Variants in TRIO observed in about 807,000 individuals in gnomAD.
TRIO encodes triple functional domain protein.
TRIO carries 58 observed loss-of-function variants against 351.9 expected under a neutral mutation model. That is an observed-to-expected ratio of 0.16 (90% CI 0.13 to 0.21). The LOEUF (loss-of-function observed/expected upper bound fraction) is 0.21. TRIO is among the 10% of genes least tolerant of loss of function. TRIO has a pLI of 1.00. For synonymous variants in TRIO, 1,758 were observed against 1,595.7 expected, an observed-to-expected ratio of 1.10 and a Z score of -2.42; for missense variants, 3,201 against 4,027.8, an observed-to-expected ratio of 0.79 and a Z score of 5.56.
intron 11 of TRIO, among the ~76,000 whole-genome samples, chr5:14,338,861 G>A (rs1485984336): frequency 6.6e-6 from 1 of 152,176 alleles, no homozygotes; most frequent in Non-Finnish European, 1.5e-5. Flanking sequence ...GAGCCAGGTG[G>A]TTGGAGCTGG....
chr5:14,145,889 G>C (rs1027848657), intron 1 of TRIO, among the ~76,000 whole-genome samples: 3 of 152,168 alleles, frequency 2.0e-5, no homozygotes, highest in Non-Finnish European at 4.4e-5. Context: ...CAGGGCTCCT[G>C]TTCATGTTCC....
Position 14,461,326 on chromosome 5 carries a change from G to A in TRIO, c.5496+15G>A, listed in dbSNP as rs1246250574. 1.3e-6 allele frequency: 2 copies of A among 1,531,176 alleles called. No individual in the cohort carries two copies. Among genetic ancestry groups the A allele is most frequent in the Non-Finnish European group, 1.8e-6 (2 of 1,140,752 alleles). 94.8% of individuals were successfully genotyped at this position (1,531,176 alleles called of 1,614,324 possible). On this transcript the variant is annotated intron_variant, in intron 35 of 56. Transcript: ENST00000344204. The stretch of plus-strand genomic sequence containing the variant: ...CGGTCGAGGAGGTGAGGCTCTGCCC[G>A]CTGGTTGGGGCCGGCGTGGCGGGGC...
At chr5:14,222,141 T>TC (rs1341771186) in intron 1 of TRIO, among the ~76,000 whole-genome samples, 1 of 113,108 alleles carries the variant, frequency 8.8e-6, no homozygotes, top group Non-Finnish European at 2.1e-5. Context: ...CTTTTTCTTT[T>TC]CTTTTTTTTT....
At chr5:14,383,317 C>T (rs1746275155) in intron 21 of TRIO, among the ~76,000 whole-genome samples, 1 of 152,188 alleles carries the variant, frequency 6.6e-6, no homozygotes, top group African/African-American at 2.4e-5. Flanking sequence ...TGCCATCTTT[C>T]ACCTCTGCTC....
Position 14,508,547 on chromosome 5 carries a change from C to A in TRIO, c.*125C>A. 2 of 1,255,584 alleles carry A rather than the reference C, an allele frequency of 1.6e-6. No individual in the cohort carries two copies. The highest frequency in any genetic ancestry group is 2.2e-6 in the Non-Finnish European group (2 of 910,862). The allele number at this position is 1,255,584 out of a possible 1,614,324, so 77.8% of individuals were successfully genotyped here. ...TATGTTCATCGTGTGAAATTGCATT[C>A]CAAGTGAGCTGTGCTCAGCAGTGCT... On this transcript the variant is annotated 3_prime_UTR_variant, in exon 57 of 57. Coordinates refer to ENST00000344204, the MANE Select transcript of TRIO (RefSeq NM_007118.4).
chr5:14,250,613 T>C lies in TRIO; in HGVS notation c.158-20212T>C, dbSNP rs143994345. Reference sequence around the variant, plus strand: ...TGGGCTTTTCCCTCCCTTGCCCTGCTTTCCCATGAGTTCTGAGAGCACCCG... The same window carrying C: ...TGGGCTTTTCCCTCCCTTGCCCTGCCTTCCCATGAGTTCTGAGAGCACCCG... On this transcript the variant is annotated intron_variant, in intron 1 of 56. Transcript: ENST00000344204. Among the ~76,000 whole-genome samples, 746 of 152,338 alleles carry C rather than the reference T, an allele frequency of 4.9e-3. 8 individuals carry two copies. The highest frequency in any genetic ancestry group is 0.017 in the African/African-American group (722 of 41,570).
At chr5:14,489,268 T>C (rs1368140276) in intron 48 of TRIO, 9 of 469,578 alleles carry the variant, frequency 1.9e-5, no homozygotes, top group Admixed American at 3.5e-5. Context: ...TTTTTTGTTA[T>C]GTATTTTGTT....
chr5:14,192,577 GTATTCTGGGA>G (rs1255905726), intron 1 of TRIO, among the ~76,000 whole-genome samples: 10 of 152,160 alleles, frequency 6.6e-5, no homozygotes, highest in Admixed American at 4.6e-4. Context: ...AATAATATCA[GTATTCTGGGA>G]TAACAGGTGC....
chr5:14,206,389 G>A (rs891842282), intron 1 of TRIO, among the ~76,000 whole-genome samples: 6 of 152,050 alleles, frequency 3.9e-5, no homozygotes, highest in African/African-American at 1.5e-4. Context: ...AAAAAGAAAC[G>A]TCTTTTTAAA....
intron 2 of TRIO, among the ~76,000 whole-genome samples, chr5:14,271,812 CT>C (rs1795991195): frequency 6.6e-6 from 1 of 152,172 alleles, no homozygotes; most frequent in Non-Finnish European, 1.5e-5. Context: ...CTGCTAGCTG[CT>C]TTTATAAGTT....
Position 14,192,969 on chromosome 5 carries a change from G to T in TRIO, c.157+49087G>T, listed in dbSNP as rs114551648. Among the ~76,000 whole-genome samples the T allele has an allele frequency of 3.9e-3, 601 of 152,354 alleles. 4 individuals carry two copies. Among genetic ancestry groups the T allele is most frequent in the African/African-American group, 0.014 (563 of 41,592 alleles). On this transcript the variant is annotated intron_variant, in intron 1 of 56. Transcript: ENST00000344204. ...TATGGCATTGTTCTTAACAGCTTATGAAATTTGGAAAACGATATTTTAGAA... is the reference window on the plus strand; with the variant it reads ...TATGGCATTGTTCTTAACAGCTTATTAAATTTGGAAAACGATATTTTAGAA...
At chr5:14,406,224 T>C (rs1748706026) in intron 32 of TRIO, 2 of 638,530 alleles carry the variant, frequency 3.1e-6, no homozygotes, top group Non-Finnish European at 5.2e-6. Context: ...TTGTTTTGCC[T>C]TTCTCACCCC....
At chr5:14,322,998 G>T (rs1230637801) in intron 9 of TRIO, among the ~76,000 whole-genome samples, 1 of 152,118 alleles carries the variant, frequency 6.6e-6, no homozygotes, top group Non-Finnish European at 1.5e-5. Context: ...AGGTGGGACT[G>T]GAATCCAGCC....
intron 4 of TRIO, among the ~76,000 whole-genome samples, chr5:14,289,533 G>A (rs1021116793): frequency 6.7e-6 from 1 of 148,952 alleles, no homozygotes; most frequent in South Asian, 2.1e-4. Flanking sequence ...GGAAGACAGA[G>A]CATGACCCTT....
chr5:14,430,927 G>T (rs1017666629), intron 34 of TRIO, among the ~76,000 whole-genome samples: 1 of 152,080 alleles, frequency 6.6e-6, no homozygotes, highest in Non-Finnish European at 1.5e-5. Context: ...GGCCAGGCGG[G>T]TCTTGAACTC....
intron 6 of TRIO, among the ~76,000 whole-genome samples, chr5:14,296,207 GT>G (rs1427482959): frequency 6.6e-6 from 1 of 152,074 alleles, no homozygotes; most frequent in Non-Finnish European, 1.5e-5. Context: ...AGCCAAAGAG[GT>G]ATCTACGATT....
chr5:14,377,962 T>C (rs1454961471), intron 19 of TRIO, 50 bp from the exon 20 acceptor site: 1 of 1,449,454 alleles, frequency 6.9e-7, no homozygotes, highest in African/African-American at 1.4e-5. Flanking sequence ...TTCGCGGTTG[T>C]TTTAATTGAT....
chr5:14,250,445 T>C (rs1204562673), intron 1 of TRIO, among the ~76,000 whole-genome samples: 2 of 152,266 alleles, frequency 1.3e-5, no homozygotes, highest in African/African-American at 4.8e-5. Context: ...GGAGCTTTTA[T>C]GCAGAAAAAT....
intron 34 of TRIO, among the ~76,000 whole-genome samples, chr5:14,428,127 G>A (rs2152395384): frequency 6.6e-6 from 1 of 152,278 alleles, no homozygotes; most frequent in South Asian, 2.1e-4. Flanking sequence ...AGTCTCCTCA[G>A]AGTCATATGA....
Sources: gnomAD v4.1 joint callset for allele counts (sites outside exome capture counted in the v4.1 genomes callset) on GRCh38, gnomAD v4.1.1 for gene constraint, MANE v1.5 for transcripts, NCBI Gene and HGNC (gene_info 2026-07-23, HGNC 2026-07-21) for gene names.